TBC1D14: variants seen among roughly 807,000 people sequenced by gnomAD.
TBC1D14 encodes the protein TBC1 domain family, member 14.
Under a neutral mutation model 79.0 loss-of-function variants are expected in TBC1D14, and 26 were observed. The observed-to-expected ratio is 0.33, with a 90% CI of 0.24 to 0.46. The LOEUF is 0.46. Among genes scored for constraint, TBC1D14 ranks in the 20% least tolerant of loss-of-function variants. The pLI, the probability that TBC1D14 is intolerant of heterozygous loss-of-function variation, is 1.00. For missense variants in TBC1D14, 769 were observed against 887.6 expected, an observed-to-expected ratio of 0.87 and a Z score of 1.70; for synonymous variants, 394 against 349.9, an observed-to-expected ratio of 1.13 and a Z score of -1.40.
chr4:6,949,032 G>A (rs1713761912), intron 2 of TBC1D14, among the ~76,000 whole-genome samples: 1 of 151,738 alleles, frequency 6.6e-6, no homozygotes, highest in South Asian at 2.1e-4. Flanking sequence ...AAATTAGCCA[G>A]GCGTGGTGGC....
chr4:6,939,909 C>T (rs1391830379), intron 2 of TBC1D14, among the ~76,000 whole-genome samples: 1 of 152,204 alleles, frequency 6.6e-6, no homozygotes, highest in African/African-American at 2.4e-5. Context: ...GAGACGAAGG[C>T]CCTGAGGCCG....
chr4:7,019,220 C>T (rs1206819989), intron 12 of TBC1D14, among the ~76,000 whole-genome samples: 1 of 152,162 alleles, frequency 6.6e-6, no homozygotes. Flanking sequence ...TGGGGTTTCA[C>T]TGTGTTAGCC....
At chr4:6,987,115 C>T in intron 3 of TBC1D14, 1 of 1,171,312 alleles carries the variant, frequency 8.5e-7, no homozygotes, top group Non-Finnish European at 1.1e-6. Flanking sequence ...CGCTCATCAG[C>T]CCCGCCCCCT....
At chr4:6,953,926 G>A (rs1383563707) in intron 2 of TBC1D14, among the ~76,000 whole-genome samples, 1 of 151,682 alleles carries the variant, frequency 6.6e-6, no homozygotes, top group Non-Finnish European at 1.5e-5. Context: ...GTGACAGGTA[G>A]CCTGGACGTG....
rs779052024 is a variant in TBC1D14 at position 7,014,600 on chromosome 4, C to T, written c.1757+43C>T. 9.4e-6 allele frequency: 13 copies of T among 1,379,530 alleles called. No homozygotes were observed. The African/African-American group carries it at 1.6e-4, about 17-fold the overall frequency. 85.5% of individuals were successfully genotyped at this position (1,379,530 alleles called of 1,614,324 possible). On this transcript the variant is annotated intron_variant, in intron 12 of 13. Transcript: ENST00000409757. ...CTGTGTTTTCAGAGCATTTCTCAGC[C>T]CTTGTCTGTTCTTCACTCTCTTCTC...
intron 2 of TBC1D14, among the ~76,000 whole-genome samples, chr4:6,932,103 T>C (rs1178203512): frequency 1.3e-5 from 2 of 152,088 alleles, no homozygotes; most frequent in African/African-American, 4.8e-5. Context: ...CTCACGCCTG[T>C]AATCCCAGCA....
intron 2 of TBC1D14, among the ~76,000 whole-genome samples, chr4:6,947,458 A>C (rs1490031821): frequency 6.6e-6 from 1 of 151,162 alleles, no homozygotes; most frequent in Non-Finnish European, 1.5e-5. Flanking sequence ...AGATCGTGCC[A>C]CTGCACTCCA....
At chr4:6,963,470 C>T (rs987105728) in intron 2 of TBC1D14, among the ~76,000 whole-genome samples, 1 of 152,224 alleles carries the variant, frequency 6.6e-6, no homozygotes, top group East Asian at 1.9e-4. Flanking sequence ...CAGGCTCGCT[C>T]CTGCCCAGCT....
chr4:7,008,581 T>C (rs917572256), intron 9 of TBC1D14, among the ~76,000 whole-genome samples: 1 of 152,084 alleles, frequency 6.6e-6, no homozygotes, highest in Non-Finnish European at 1.5e-5. Flanking sequence ...CCTGGCTAAT[T>C]TTTGCATTTT....
At chr4:6,978,129 C>G (rs1228381697) in intron 3 of TBC1D14, among the ~76,000 whole-genome samples, 2 of 149,288 alleles carry the variant, frequency 1.3e-5, no homozygotes, top group Admixed American at 6.6e-5. Context: ...GGGGGTCAGC[C>G]CCCCGCCCGG....
chr4:6,978,122 G>A (rs943093991), intron 3 of TBC1D14, among the ~76,000 whole-genome samples: 8 of 149,470 alleles, frequency 5.4e-5, no homozygotes, highest in East Asian at 2.0e-4. Context: ...GAGGTGGGGG[G>A]GTCAGCCCCC....
chr4:6,922,062 GTTTT>G (rs1424331774), intron 1 of TBC1D14, among the ~76,000 whole-genome samples: 4 of 151,862 alleles, frequency 2.6e-5, no homozygotes, highest in African/African-American at 7.3e-5. Flanking sequence ...TTGTTTGTTT[GTTTT>G]TTTAGAGATA....
chr4:7,026,251 G>C (rs1722358507), intron 13 of TBC1D14, among the ~76,000 whole-genome samples: 1 of 146,754 alleles, frequency 6.8e-6, no homozygotes, highest in South Asian at 2.2e-4. Flanking sequence ...GTCAGTGACT[G>C]TGGAAGCGCA....
intron 4 of TBC1D14, among the ~76,000 whole-genome samples, chr4:6,996,039 T>C (rs1335714100): frequency 6.6e-6 from 1 of 151,024 alleles, no homozygotes; most frequent in Non-Finnish European, 1.5e-5. Flanking sequence ...GGTTTCACCA[T>C]GTTAGCCAGG....
At chr4:6,931,263 G>A (rs1357028126) in intron 2 of TBC1D14, among the ~76,000 whole-genome samples, 2 of 152,188 alleles carry the variant, frequency 1.3e-5, no homozygotes, top group Non-Finnish European at 2.9e-5. Flanking sequence ...CCCTGGTTGT[G>A]TGTTTTTGTA....
Position 6,999,211 on chromosome 4 carries a change from T to C in TBC1D14, c.1163+9T>C. The C allele has an allele frequency of 6.2e-7, 1 of 1,608,448 alleles. No individual in the cohort carries two copies. The highest frequency in any genetic ancestry group is 8.5e-7 in the Non-Finnish European group (1 of 1,175,052). ...CCTAACTGGGAAACAATGTAAGATG[T>C]GGCTCTGGGTGTGGCTGAACTGCAG... On this transcript the variant is annotated intron_variant, in intron 6 of 13. Transcript: ENST00000409757.
At chr4:6,919,380 A>G (rs547511581) in intron 1 of TBC1D14, among the ~76,000 whole-genome samples, 1 of 151,824 alleles carries the variant, frequency 6.6e-6, no homozygotes, top group Non-Finnish European at 1.5e-5. Context: ...TCCTGACCTC[A>G]GGTGATCCGC....
chr4:6,977,461 C>T (rs1341960378), intron 3 of TBC1D14, among the ~76,000 whole-genome samples: 5 of 144,856 alleles, frequency 3.5e-5, no homozygotes, highest in South Asian at 2.4e-4. Context: ...GGCGTGATCT[C>T]GGCTCGCTAC....
At position 6,982,188 on chromosome 4, in the gene TBC1D14, G is replaced by C. The variant is rs1717437111; in HGVS notation, c.844-11996G>C. Among the ~76,000 whole-genome samples, 3 of 152,130 alleles carry C rather than the reference G, an allele frequency of 2.0e-5. No homozygotes were observed. In the South Asian group the frequency reaches 6.2e-4, roughly 32 times the overall value. On this transcript the variant is annotated intron_variant, in intron 3 of 13. Transcript: ENST00000409757. ...CAAAAATCTGTACATGTTTATAGCA[G>C]CTCTTTTCATAATCTTCAAGAAATG...
Sources: gnomAD v4.1 joint callset for allele counts (sites outside exome capture counted in the v4.1 genomes callset) on GRCh38, gnomAD v4.1.1 for gene constraint, MANE v1.5 for transcripts, NCBI Gene and HGNC (gene_info 2026-07-23, HGNC 2026-07-21) for gene names.